CNTN5: variants seen among roughly 807,000 people sequenced by gnomAD.
CNTN5 encodes contactin 5.
Under a neutral mutation model 129.1 loss-of-function variants are expected in CNTN5, and 77 were observed. That is an observed-to-expected ratio of 0.60 (90% CI 0.50 to 0.72). The LOEUF (loss-of-function observed/expected upper bound fraction) is 0.72, where lower values mean the gene tolerates loss of function less well. Ranked by LOEUF, CNTN5 falls within the 30% of genes least tolerant of loss-of-function variation. CNTN5 has a pLI of 0.00. For synonymous variants in CNTN5, 509 were observed against 465.6 expected (o/e 1.09, Z -1.20); for missense variants, 1,478 against 1,328.8 (o/e 1.11, Z -1.75).
At chr11:100,033,489 C>G (rs1217317485) in intron 9 of CNTN5, among the ~76,000 whole-genome samples, 1 of 152,126 alleles carries the variant, frequency 6.6e-6, no homozygotes, top group Non-Finnish European at 1.5e-5. Context: ...TATTCTTAAT[C>G]CATGATGTCT....
At position 99,543,009 on chromosome 11, in the gene CNTN5, G is replaced by T. The variant is rs142939060; in HGVS notation, c.-70-13136G>T. 7.2e-5 allele frequency among the ~76,000 whole-genome samples: 11 copies of T among 152,276 alleles called. No individual in the cohort carries two copies. The East Asian group carries it at 2.1e-3, about 29-fold the overall frequency. ...TTTTCAGTTGAAGGCCTTGTGTTGT[G>T]CCTTGTCTGGTATGCCTTATTTGGC... On this transcript the variant is annotated intron_variant, in intron 2 of 24. Coordinates refer to ENST00000524871, the MANE Select transcript of CNTN5 (RefSeq NM_014361.4).
intron 9 of CNTN5, among the ~76,000 whole-genome samples, chr11:100,020,060 A>C (rs1380950309): frequency 6.6e-6 from 1 of 151,922 alleles, no homozygotes; most frequent in Non-Finnish European, 1.5e-5. Flanking sequence ...TATGATTTGC[A>C]AATATTTTCT....
intron 8 of CNTN5, among the ~76,000 whole-genome samples, chr11:99,999,648 C>T (rs945354878): frequency 1.3e-5 from 2 of 152,150 alleles, no homozygotes; most frequent in African/African-American, 4.8e-5. Flanking sequence ...CCAGCCATCC[C>T]ATTACTGGGT....
chr11:100,282,645 G>A (rs1029972485), intron 18 of CNTN5, among the ~76,000 whole-genome samples: 1 of 152,220 alleles, frequency 6.6e-6, no homozygotes, highest in Admixed American at 6.5e-5. Context: ...GGCAAAGTGA[G>A]CCAGGCCAGT....
intron 1 of CNTN5, among the ~76,000 whole-genome samples, chr11:99,134,365 A>T (rs540143555): frequency 4.6e-5 from 7 of 152,290 alleles, no homozygotes; most frequent in Admixed American, 1.3e-4. Context: ...GTTTACCTGT[A>T]TAAAAAACCT....
At chr11:100,045,496 T>G (rs1480797226) in intron 9 of CNTN5, among the ~76,000 whole-genome samples, 3 of 152,086 alleles carry the variant, frequency 2.0e-5, no homozygotes, top group Non-Finnish European at 4.4e-5. Context: ...AAAATCTAGA[T>G]TTAAGAAAGT....
chr11:99,294,202 T>A (rs1181721227), intron 1 of CNTN5, among the ~76,000 whole-genome samples: 2 of 152,170 alleles, frequency 1.3e-5, no homozygotes, highest in African/African-American at 4.8e-5. Context: ...TTTTCATATA[T>A]TTAGTGGTTC....
At chr11:99,562,241 C>T (rs1449881311) in intron 3 of CNTN5, among the ~76,000 whole-genome samples, 1 of 152,092 alleles carries the variant, frequency 6.6e-6, no homozygotes, top group African/African-American at 2.4e-5. Context: ...CTGAGCCTTC[C>T]TTGCACTTTT....
At chr11:99,158,021 C>T (rs117942271) in intron 1 of CNTN5, among the ~76,000 whole-genome samples, 14 of 152,228 alleles carry the variant, frequency 9.2e-5, no homozygotes, top group African/African-American at 3.4e-4. Flanking sequence ...AAATAATCAT[C>T]TCACACTCCT....
In CNTN5 at chr11:99,092,700, G is replaced by C. The variant is rs113501027; in HGVS notation, c.-210+71430G>C. On this transcript the variant is annotated intron_variant, in intron 1 of 24. Coordinates refer to ENST00000524871, the MANE Select transcript of CNTN5 (RefSeq NM_014361.4). The stretch of plus-strand genomic sequence containing the variant: ...TTATGTACATCTACAAATGGTAAAA[G>C]TTGTGTATGTTATATTACTGAATAA... 4.0e-3 allele frequency among the ~76,000 whole-genome samples: 604 copies of C among 152,088 alleles called. 3 individuals are homozygous for C. The highest frequency in any genetic ancestry group is 0.014 in the African/African-American group (564 of 41,542).
intron 7 of CNTN5, among the ~76,000 whole-genome samples, chr11:99,955,323 T>C (rs1270003349): frequency 6.6e-6 from 1 of 151,882 alleles, no homozygotes; most frequent in Non-Finnish European, 1.5e-5. Context: ...TCAATTATAC[T>C]TTATGGAGTT....
At chr11:100,311,249 AG>A (rs1951467175) in intron 21 of CNTN5, among the ~76,000 whole-genome samples, 1 of 151,864 alleles carries the variant, frequency 6.6e-6, no homozygotes, top group Admixed American at 6.6e-5. Flanking sequence ...AATTACATGT[AG>A]GCTATGAAAA....
At chr11:99,438,870 C>T (rs372616763) in intron 2 of CNTN5, among the ~76,000 whole-genome samples, 2 of 152,186 alleles carry the variant, frequency 1.3e-5, no homozygotes, top group South Asian at 2.1e-4. Context: ...ACCAAGTTAA[C>T]TCTCAGCACT....
intron 7 of CNTN5, among the ~76,000 whole-genome samples, chr11:99,950,643 A>G (rs1225599547): frequency 1.3e-5 from 2 of 152,236 alleles, no homozygotes; most frequent in Non-Finnish European, 2.9e-5. Context: ...TACGAGGTAC[A>G]AGATGAATTT....
intron 3 of CNTN5, among the ~76,000 whole-genome samples, chr11:99,760,733 G>A (rs1414663050): frequency 4.6e-5 from 7 of 151,890 alleles, no homozygotes; most frequent in Admixed American, 2.6e-4. Context: ...TTTACTTTAT[G>A]TTATACTGTT....
intron 13 of CNTN5, among the ~76,000 whole-genome samples, chr11:100,111,647 A>T (rs1218506271): frequency 6.6e-6 from 1 of 152,188 alleles, no homozygotes; most frequent in African/African-American, 2.4e-5. Flanking sequence ...CTGTGATAAG[A>T]ACACTTAATA....
At chr11:100,291,363 G>A (rs1363785023) in intron 18 of CNTN5, among the ~76,000 whole-genome samples, 1 of 151,300 alleles carries the variant, frequency 6.6e-6, no homozygotes, top group Non-Finnish European at 1.5e-5. Flanking sequence ...CAACCCAAAT[G>A]TCCAACAATG....
chr11:100,092,742 A>G (rs979636629), intron 13 of CNTN5, among the ~76,000 whole-genome samples: 13 of 152,058 alleles, frequency 8.5e-5, no homozygotes, highest in African/African-American at 3.1e-4. Context: ...TTAAAATTTT[A>G]TGTGATTGTC....
chr11:99,736,601 A>G (rs1943719224), intron 3 of CNTN5, among the ~76,000 whole-genome samples: 1 of 152,236 alleles, frequency 6.6e-6, no homozygotes, highest in Non-Finnish European at 1.5e-5. Flanking sequence ...TAGCAGGGGT[A>G]AATGTATTAC....
Sources: allele counts gnomAD v4.1 joint callset (sites outside exome capture counted in the v4.1 genomes callset), GRCh38; gene constraint gnomAD v4.1.1; transcripts MANE v1.5; gene names NCBI Gene and HGNC (gene_info 2026-07-23, HGNC 2026-07-21).